The following LUZP1 variants were observed in gnomAD, a reference collection of about 807,000 sequenced individuals.
The protein encoded by LUZP1 is leucine zipper protein 1.
Under a neutral mutation model 71.3 loss-of-function variants are expected in LUZP1, and 25 were observed. The observed-to-expected ratio is 0.35, with a 90% confidence interval of 0.26 to 0.49. LUZP1 has a LOEUF of 0.49. Among genes scored for constraint, LUZP1 ranks in the 20% least tolerant of loss-of-function variants. The probability of loss-of-function intolerance (pLI) is 0.99; values close to 1 mark genes in which losing one functional copy is unlikely to be tolerated. For synonymous variants in LUZP1, 481 were observed against 506.4 expected (o/e 0.95, Z 0.67); for missense variants, 1,142 against 1,300.8 (o/e 0.88, Z 1.88).
chr1:23,091,317 G>A (rs1343454761), exon 4 of LUZP1: 1 of 1,614,128 alleles, frequency 6.2e-7, no homozygotes, highest in Admixed American at 1.7e-5. Context: ...GGCATCCCCT[G>A]AACTTGGTCC....
intron 2 of LUZP1, among the ~76,000 whole-genome samples, chr1:23,130,725 T>C (rs1166990990): frequency 1.3e-5 from 2 of 152,112 alleles, no homozygotes; most frequent in African/African-American, 4.8e-5. Context: ...TCCATTGTTT[T>C]ATGGAGTACT....
At chr1:23,174,907 A>G (rs1644573883) in intron 1 of LUZP1, among the ~76,000 whole-genome samples, 1 of 152,150 alleles carries the variant, frequency 6.6e-6, no homozygotes, top group Admixed American at 6.5e-5. Context: ...CTCATGTTTC[A>G]GGGCAACCGT....
intron 3 of LUZP1, among the ~76,000 whole-genome samples, chr1:23,103,468 A>G (rs1643947877): frequency 6.6e-6 from 1 of 152,204 alleles, no homozygotes; most frequent in Admixed American, 6.5e-5. Flanking sequence ...GGATTTAGAG[A>G]TCATCTAGTC....
chr1:23,175,899 C>G (rs529571826), intron 1 of LUZP1, among the ~76,000 whole-genome samples: 1 of 152,204 alleles, frequency 6.6e-6, no homozygotes, highest in African/African-American at 2.4e-5. Flanking sequence ...GAAGAGGTGG[C>G]ATGGAGCCTC....
chr1:23,105,211 G>T (rs1194792646), intron 3 of LUZP1, among the ~76,000 whole-genome samples: 1 of 152,214 alleles, frequency 6.6e-6, no homozygotes, highest in Non-Finnish European at 1.5e-5. Context: ...TAGCAATGGG[G>T]TAAAAGGGTG....
intron 2 of LUZP1, among the ~76,000 whole-genome samples, chr1:23,112,926 TAA>T (rs1297659732): frequency 1.3e-5 from 2 of 152,162 alleles, no homozygotes; most frequent in Admixed American, 6.5e-5. Flanking sequence ...AGACCTCAGT[TAA>T]AGAGAAAAGA....
At chr1:23,085,329 C>G (rs878982709) in exon 5 of LUZP1, 2 of 152,624 alleles carry the variant, frequency 1.3e-5, no homozygotes, top group South Asian at 4.1e-4. Context: ...ACTTTATTCT[C>G]TTAAAAATAC....
At chr1:23,103,919 GA>G (rs1199592058) in intron 3 of LUZP1, among the ~76,000 whole-genome samples, 17 of 66,740 alleles carry the variant, frequency 2.5e-4, no homozygotes, top group Non-Finnish European at 4.5e-4. Flanking sequence ...AGGAGGGAGG[GA>G]GGGGGGGAAG....
At chr1:23,168,402 C>T (rs983455746) in intron 2 of LUZP1, among the ~76,000 whole-genome samples, 3 of 145,906 alleles carry the variant, frequency 2.1e-5, no homozygotes, top group Non-Finnish European at 4.5e-5. Flanking sequence ...CTTCGCCGCC[C>T]CCTCGAAAAT....
chr1:23,170,441 A>G (rs189092247), intron 1 of LUZP1, among the ~76,000 whole-genome samples: 59 of 148,718 alleles, frequency 4.0e-4, no homozygotes, highest in Non-Finnish European at 7.6e-4. Context: ...TATGATTGTC[A>G]TTCTTATTTT....
intron 2 of LUZP1, among the ~76,000 whole-genome samples, chr1:23,148,754 T>C (rs1230359700): frequency 6.6e-6 from 1 of 151,824 alleles, no homozygotes; most frequent in Non-Finnish European, 1.5e-5. Context: ...CCCAAAAATT[T>C]TGGAGCAGTT....
chr1:23,122,906 C>T (rs1644141458), intron 2 of LUZP1, among the ~76,000 whole-genome samples: 1 of 152,222 alleles, frequency 6.6e-6, no homozygotes, highest in African/African-American at 2.4e-5. Flanking sequence ...TCGTGCAGAA[C>T]TTCTATGGCT....
At chr1:23,144,671 C>T (rs773174792) in intron 2 of LUZP1, among the ~76,000 whole-genome samples, 1 of 152,158 alleles carries the variant, frequency 6.6e-6, no homozygotes, top group African/African-American at 2.4e-5. Flanking sequence ...ATGCTCCCCA[C>T]CTCCCATCTA....
In LUZP1 at chr1:23,148,174, T is replaced by C. The variant is rs566595002; in HGVS notation, c.-226+20592A>G. Among the ~76,000 whole-genome samples, 4 of 152,258 alleles carry C rather than the reference T, an allele frequency of 2.6e-5. No homozygotes were observed. The South Asian group carries it at 8.3e-4, about 32-fold the overall frequency. On this transcript the variant is annotated intron_variant, in intron 2 of 4. Transcript: ENST00000302291. ...TGTGACTTGCTCAAGTTCATATAGG[T>C]AGATAATGATAAAGACCGACCCGGA...
At chr1:23,111,308 T>C (rs921207869) in intron 2 of LUZP1, among the ~76,000 whole-genome samples, 2 of 151,400 alleles carry the variant, frequency 1.3e-5, no homozygotes, top group African/African-American at 2.4e-5. Flanking sequence ...CCCAGCACTT[T>C]GGGAGGCCAA....
At chr1:23,087,618 C>G (rs997952290) in exon 5 of LUZP1, 14 of 152,570 alleles carry the variant, frequency 9.2e-5, no homozygotes, top group African/African-American at 2.9e-4. Context: ...AAAGAGGATC[C>G]CTTCTTTGAA....
At chr1:23,142,820 C>T (rs1018443475) in intron 2 of LUZP1, among the ~76,000 whole-genome samples, 1 of 151,576 alleles carries the variant, frequency 6.6e-6, no homozygotes, top group African/African-American at 2.4e-5. Flanking sequence ...CTGCAACTTA[C>T]TATGGATCAG....
rs2124740188 is a variant in LUZP1 at position 23,155,890 on chromosome 1, G to A, written c.-226+12876C>T. Among the ~76,000 whole-genome samples, 2 of 152,224 alleles carry A rather than the reference G, an allele frequency of 1.3e-5. 1 individual carries two copies. Among genetic ancestry groups the A allele is most frequent in the South Asian group, 4.1e-4 (2 of 4,828 alleles). On this transcript the variant is annotated intron_variant, in intron 2 of 4. Coordinates refer to ENST00000302291, the Ensembl canonical transcript of LUZP1. The stretch of plus-strand genomic sequence containing the variant: ...TCAGATAAATACCCGCAGATAATTG[G>A]GAAAACAGCACATTTTTGATAAAGC...
chr1:23,131,219 CAAAAAAA>C (rs71020480), intron 2 of LUZP1, among the ~76,000 whole-genome samples: 1 of 45,032 alleles, frequency 2.2e-5, no homozygotes, highest in Admixed American at 3.9e-4. Flanking sequence ...GACTCCATCT[CAAAAAAA>C]AAAAAAAAAA....
Sources: allele counts gnomAD v4.1 joint callset (sites outside exome capture counted in the v4.1 genomes callset), GRCh38; gene constraint gnomAD v4.1.1; transcripts MANE v1.5; gene names NCBI Gene and HGNC (gene_info 2026-07-23, HGNC 2026-07-21).